CREBBP: variants seen among roughly 807,000 people sequenced by gnomAD.
The protein encoded by CREBBP is CREB-binding protein.
Under a neutral mutation model 265.0 loss-of-function variants are expected in CREBBP, and 19 were observed. The ratio of observed to expected loss-of-function variants is 0.07; its 90% CI spans 0.05 to 0.11. The LOEUF is 0.11. CREBBP is among the 10% of genes least tolerant of loss of function. CREBBP has a pLI of 1.00. For synonymous variants in CREBBP, 1,457 were observed against 1,223.7 expected, an observed-to-expected ratio of 1.19 and a Z score of -3.98; for missense variants, 2,525 against 3,219.0, an observed-to-expected ratio of 0.78 and a Z score of 5.22.
intron 3 of CREBBP, among the ~76,000 whole-genome samples, chr16:3,794,895 G>A (rs905331188): frequency 2.0e-5 from 3 of 152,124 alleles, no homozygotes; most frequent in African/African-American, 4.8e-5. Context: ...TTGCTTCCAC[G>A]ACCCTCATTA....
chr16:3,843,014 A>G (rs2141456700), intron 2 of CREBBP, among the ~76,000 whole-genome samples: 1 of 151,690 alleles, frequency 6.6e-6, no homozygotes, highest in African/African-American at 2.4e-5. Context: ...GAGAAGAGAA[A>G]TAATCACAAA....
intron 5 of CREBBP, among the ~76,000 whole-genome samples, chr16:3,789,211 G>A (rs2053453817): frequency 6.6e-6 from 1 of 152,196 alleles, no homozygotes; most frequent in South Asian, 2.1e-4. Context: ...TCTCCACAGA[G>A]CGAGCACAGG....
At chr16:3,852,900 C>A (rs536747602) in intron 1 of CREBBP, among the ~76,000 whole-genome samples, 2 of 151,204 alleles carry the variant, frequency 1.3e-5, no homozygotes, top group South Asian at 4.2e-4. Context: ...AACGGCCAGG[C>A]TATTCATGTA....
intron 1 of CREBBP, among the ~76,000 whole-genome samples, chr16:3,856,941 G>T (rs1010605294): frequency 1.3e-4 from 20 of 152,128 alleles, no homozygotes; most frequent in African/African-American, 4.8e-4. Flanking sequence ...CCCAGGGCAG[G>T]GCTGGCCTCA....
chr16:3,730,769 G>A (rs944094411), intron 30 of CREBBP, among the ~76,000 whole-genome samples: 3 of 152,124 alleles, frequency 2.0e-5, no homozygotes, highest in Non-Finnish European at 4.4e-5. Context: ...AGCCTGACTC[G>A]GCCCATGCAA....
intron 22 of CREBBP, 54 bp from the exon 23 acceptor site, chr16:3,745,015 A>G: frequency 7.5e-7 from 1 of 1,331,796 alleles, no homozygotes; most frequent in Non-Finnish European, 1.1e-6. Context: ...AAATTGTCAA[A>G]CCAACAAAAT....
chr16:3,846,843 T>C (rs1170583721), intron 2 of CREBBP, among the ~76,000 whole-genome samples: 1 of 152,222 alleles, frequency 6.6e-6, no homozygotes, highest in African/African-American at 2.4e-5. Context: ...ATAGTTGCCT[T>C]TGGTGAGAAT....
chr16:3,841,832 G>C (rs377094980), intron 2 of CREBBP, among the ~76,000 whole-genome samples: 19 of 152,308 alleles, frequency 1.2e-4, no homozygotes, highest in South Asian at 4.1e-4. Context: ...GAGCTGGTTA[G>C]AAATGTAAAT....
chr16:3,879,771 C>G, intron 1 of CREBBP, 61 bp downstream of exon 1: 1 of 1,517,266 alleles, frequency 6.6e-7, no homozygotes, highest in Non-Finnish European at 8.9e-7. Context: ...CCCGGACGCT[C>G]TCTTTCAGGT....
chr16:3,787,005 A>C (rs2053402378), intron 5 of CREBBP, among the ~76,000 whole-genome samples: 1 of 151,110 alleles, frequency 6.6e-6, no homozygotes, highest in South Asian at 2.1e-4. Context: ...AGGGAGACGG[A>C]GGTTGCGGTG....
intron 13 of CREBBP, among the ~76,000 whole-genome samples, chr16:3,772,328 AACACACACACAC>A (rs34060381): frequency 1.2e-4 from 18 of 145,356 alleles, no homozygotes; most frequent in South Asian, 9.0e-4. Flanking sequence ...CTGAAACACA[AACACACACACAC>A]ACACACACAC....
intron 1 of CREBBP, among the ~76,000 whole-genome samples, chr16:3,857,473 C>T (rs998382364): frequency 1.8e-4 from 27 of 152,214 alleles, no homozygotes; most frequent in African/African-American, 6.5e-4. Context: ...TTCAGCAAAA[C>T]TGACAAAGGG....
At chr16:3,761,567 CAG>C (rs748610968) in intron 16 of CREBBP, 2 of 518,734 alleles carry the variant, frequency 3.9e-6, no homozygotes, top group East Asian at 1.1e-4. Flanking sequence ...GCCCAGGATA[CAG>C]ACTCTTGACC....
chr16:3,844,144 TCTC>T (rs2054619647), intron 2 of CREBBP, among the ~76,000 whole-genome samples: 1 of 94,588 alleles, frequency 1.1e-5, no homozygotes, highest in Non-Finnish European at 1.9e-5. Flanking sequence ...CGAGACTCCG[TCTC>T]AAAAAAAAAA....
intron 1 of CREBBP, among the ~76,000 whole-genome samples, chr16:3,860,866 C>G (rs190888671): frequency 6.6e-6 from 1 of 152,088 alleles, no homozygotes; most frequent in Admixed American, 6.5e-5. Context: ...TTAGACACTA[C>G]GGACACAGGA....
chr16:3,867,920 T>C (rs930619026), intron 1 of CREBBP, among the ~76,000 whole-genome samples: 8 of 152,038 alleles, frequency 5.3e-5, no homozygotes, highest in African/African-American at 1.7e-4. Context: ...AGTGAGACCC[T>C]GTCTCAAAAT....
chr16:3,802,809 G>C (rs748669926), intron 3 of CREBBP, among the ~76,000 whole-genome samples: 1 of 152,066 alleles, frequency 6.6e-6, no homozygotes, highest in Non-Finnish European at 1.5e-5. Flanking sequence ...CATCGCAACA[G>C]GGTCCAAACC....
chr16:3,784,336 A>G (rs1242722883), intron 5 of CREBBP: 3 of 152,234 alleles, frequency 2.0e-5, no homozygotes, highest in Non-Finnish European at 4.4e-5. Flanking sequence ...TCAACTCATT[A>G]ACACTCATCA....
chr16:3,736,945 C>T, intron 26 of CREBBP, 130 bp from the exon 27 acceptor site: 2 of 1,165,766 alleles, frequency 1.7e-6, no homozygotes, highest in Admixed American at 3.9e-5. Context: ...TGAATGCCCA[C>T]AAAGCTGGGT....
Sources: allele counts gnomAD v4.1 joint callset (sites outside exome capture counted in the v4.1 genomes callset), GRCh38; gene constraint gnomAD v4.1.1; transcripts MANE v1.5; gene names NCBI Gene and HGNC (gene_info 2026-07-23, HGNC 2026-07-21).